The following GAPDHS variants were observed in gnomAD, a reference collection of about 807,000 sequenced individuals.
The protein encoded by GAPDHS is glyceraldehyde-3-phosphate dehydrogenase, testis-specific.
Under a neutral mutation model 48.7 loss-of-function variants are expected in GAPDHS, and 42 were observed. The observed-to-expected ratio is 0.86, with a 90% CI of 0.67 to 1.12. GAPDHS has a LOEUF of 1.12. Ranked by LOEUF, GAPDHS falls within the 50% of genes most tolerant of loss-of-function variation. The pLI is 0.00. For missense variants in GAPDHS, 512 were observed against 557.7 expected, an observed-to-expected ratio of 0.92 and a Z score of 0.82; for synonymous variants, 166 against 219.1, an observed-to-expected ratio of 0.76 and a Z score of 2.14.
chr19:35,544,747 G>A (rs1341285549), intron 9 of GAPDHS, 162 bp from the exon 10 acceptor site: 2 of 640,648 alleles, frequency 3.1e-6, no homozygotes, highest in African/African-American at 1.8e-5. Flanking sequence ...GTCATACCCT[G>A]CACTTGGTCA....
At chr19:35,538,802 T>C in intron 4 of GAPDHS, 119 bp downstream of exon 4, 1 of 697,540 alleles carries the variant, frequency 1.4e-6, no homozygotes, top group Non-Finnish European at 2.6e-6. Flanking sequence ...CAAAATTGCG[T>C]GTGCATGCCT....
intron 9 of GAPDHS, chr19:35,544,363 G>T: frequency 6.0e-6 from 1 of 167,822 alleles, no homozygotes; most frequent in Non-Finnish European, 1.3e-5. Flanking sequence ...CATCCACCTT[G>T]GTGCTGTCTC....
At chr19:35,535,138 C>A (rs1159075403) in intron 1 of GAPDHS, among the ~76,000 whole-genome samples, 2 of 152,216 alleles carry the variant, frequency 1.3e-5, no homozygotes, top group Non-Finnish European at 2.9e-5. Flanking sequence ...CCAGGCTTGA[C>A]TTTCCAGCTT....
intron 4 of GAPDHS, among the ~76,000 whole-genome samples, chr19:35,539,364 C>T (rs1055608952): frequency 1.3e-5 from 2 of 152,212 alleles, no homozygotes; most frequent in African/African-American, 2.4e-5. Flanking sequence ...AACATCCGAA[C>T]ATCCGTTCCC....
At chr19:35,541,813 C>T (rs1463410223) in intron 4 of GAPDHS, 1 of 154,450 alleles carries the variant, frequency 6.5e-6, no homozygotes, top group African/African-American at 2.4e-5. Flanking sequence ...AGGAGTCCTC[C>T]AGGAGCTTTT....
At chr19:35,541,373 G>C (rs1207951303) in intron 4 of GAPDHS, 3 of 151,736 alleles carry the variant, frequency 2.0e-5, no homozygotes, top group Admixed American at 6.6e-5. Context: ...CAGGAGGATG[G>C]CCGGAGCCAG....
intron 1 of GAPDHS, 106 bp downstream of exon 1, chr19:35,533,700 A>G (rs1007005513): frequency 1.2e-6 from 1 of 830,070 alleles, no homozygotes; most frequent in Non-Finnish European, 1.9e-6. Flanking sequence ...TGGCGTGTGC[A>G]CCATCTAGGG....
chr19:35,544,968 C>T lies in GAPDHS; in HGVS notation c.1116C>T (p.Gly372=). 1.2e-6 allele frequency: 2 copies of T among 1,613,868 alleles called. No individual in the cohort carries two copies. The highest frequency in any genetic ancestry group is 1.7e-6 in the Non-Finnish European group (2 of 1,179,712). Residue 372 remains glycine (G), a synonymous_variant, in exon 10 of 11, where the codon GGC becomes GGT. Coordinates refer to ENST00000222286, the MANE Select transcript of GAPDHS (RefSeq NM_014364.5). The part of the protein sequence containing the change: ...THSSIFDAKA[G]IALNDNFVKL... ...CGTCCATCTTCGATGCTAAGGCCGG[C>T]ATTGCGCTCAATGACAATTTCGTGA...
chr19:35,536,490 C>A (rs2071466603), intron 1 of GAPDHS, among the ~76,000 whole-genome samples: 1 of 151,920 alleles, frequency 6.6e-6, no homozygotes, highest in African/African-American at 2.4e-5. Context: ...GCAGGAGAAT[C>A]ACTTGAACCC....
At position 35,542,328 on chromosome 19, in the gene GAPDHS, C is replaced by G; in HGVS notation, c.459C>G (p.Pro153=). ...HEISVYQCKE[P]KQIPWRAVGS... is the part of the protein sequence containing the mutation. ...TGCCACTTCCCCACAGCAAAGAGCC[C>G]AAACAGATCCCCTGGAGGGCTGTCG... Residue 153 remains proline, a synonymous_variant, in exon 5 of 11, where the codon CCC becomes CCG. Transcript: ENST00000222286. The G allele has an allele frequency of 6.2e-7, 1 of 1,611,048 alleles. No individual in the cohort carries two copies. The highest frequency in any genetic ancestry group is 8.5e-7 in the Non-Finnish European group (1 of 1,178,472).
intron 9 of GAPDHS, 148 bp downstream of exon 9, chr19:35,543,975 G>C: frequency 2.2e-6 from 3 of 1,388,344 alleles, no homozygotes; most frequent in Non-Finnish European, 2.8e-6. Flanking sequence ...TGCACTTGCT[G>C]TTCCTTTAGT....
rs527980956 is a variant in GAPDHS at position 35,537,140 on chromosome 19, C to T, written c.245+150C>T. On this transcript the variant is annotated intron_variant, in intron 2 of 10. Coordinates refer to ENST00000222286, the MANE Select transcript of GAPDHS (RefSeq NM_014364.5). ...TAGCCCGGAGCAAGGCAGACAGGGC[C>T]CCATGCTCAGCAGCATGCTGGTGGG... 58 of 622,778 alleles carry T rather than the reference C, an allele frequency of 9.3e-5. No individual in the cohort carries two copies. The African/African-American group carries it at 1.0e-3, about 11-fold the overall frequency. The allele number at this position is 622,778 out of a possible 1,614,324, so 38.6% of individuals were successfully genotyped here. A position where few individuals can be genotyped will look rare whatever the true frequency, so the allele number is the denominator to read the frequency against.
Position 35,545,303 on chromosome 19 carries a change from A to G in GAPDHS, c.*133A>G. On this transcript the variant is annotated 3_prime_UTR_variant, in exon 11 of 11. Transcript: ENST00000222286. ...CACGCCGATGGGTCCATGGTGAAAT[A>G]AAAAACAGTGCTCACGGCTGCGTCC... is the stretch of plus-strand genomic sequence containing the variant. The G allele has an allele frequency of 1.3e-6, 1 of 758,776 alleles. No individual in the cohort carries two copies. The highest frequency in any genetic ancestry group is 2.4e-6 in the Non-Finnish European group (1 of 425,260). 47.0% of individuals were successfully genotyped at this position (758,776 alleles called of 1,614,324 possible).
At chr19:35,533,705 C>G in intron 1 of GAPDHS, 111 bp downstream of exon 1, 1 of 778,620 alleles carries the variant, frequency 1.3e-6, no homozygotes, top group Non-Finnish European at 2.1e-6. Context: ...TGTGCACCAT[C>G]TAGGGACCAG....
chr19:35,543,553 G>A (rs1361838149), intron 8 of GAPDHS, 62 bp downstream of exon 8: 23 of 1,572,232 alleles, frequency 1.5e-5, no homozygotes, highest in South Asian at 4.7e-5. Context: ...GGACTGGCCC[G>A]GCCCTCAGTC....
At chr19:35,542,468 G>T in intron 5 of GAPDHS, 22 bp from the exon 6 acceptor site, 1 of 1,605,194 alleles carries the variant, frequency 6.2e-7, no homozygotes, top group East Asian at 2.2e-5. Context: ...AGAAGCCCCT[G>T]ACACCTGCGC....
intron 1 of GAPDHS, among the ~76,000 whole-genome samples, chr19:35,534,163 T>C (rs927954927): frequency 2.6e-5 from 4 of 151,642 alleles, no homozygotes. Flanking sequence ...TTCCTTAGTC[T>C]CTCAACAAGG....
chr19:35,545,204 CG>C lies in GAPDHS; in HGVS notation c.*38del. On this transcript the variant is annotated 3_prime_UTR_variant, in exon 11 of 11. Coordinates refer to ENST00000222286, the MANE Select transcript of GAPDHS (RefSeq NM_014364.5). The stretch of plus-strand genomic sequence containing the variant: ...GGTCCTTTCTTTCCTTCCCAGGGGC[CG>C]GGGCCGGAACATGTGCCTCCCGTTC... 6.4e-7 allele frequency: 1 copy of C among 1,572,346 alleles called. No homozygotes were observed. The highest frequency in any genetic ancestry group is 8.8e-7 in the Non-Finnish European group (1 of 1,141,926).
chr19:35,538,830 G>T, intron 4 of GAPDHS, 147 bp downstream of exon 4: 1 of 648,322 alleles, frequency 1.5e-6, no homozygotes, highest in Non-Finnish European at 2.8e-6. Context: ...CTAATTTGAA[G>T]AGGGAAGTCT....
Sources: allele counts gnomAD v4.1 joint callset (sites outside exome capture counted in the v4.1 genomes callset), GRCh38; gene constraint gnomAD v4.1.1; transcripts MANE v1.5; gene names NCBI Gene and HGNC (gene_info 2026-07-23, HGNC 2026-07-21).